The following EXOC6 variants were observed in gnomAD, a reference collection of about 807,000 sequenced individuals.
EXOC6 encodes SEC15-like 1.
EXOC6 carries 60 observed loss-of-function variants against 112.5 expected under a neutral mutation model. The observed-to-expected ratio is 0.53, with a 90% CI of 0.43 to 0.66. The LOEUF (loss-of-function observed/expected upper bound fraction) is 0.66, where lower values mean the gene tolerates loss of function less well. Ranked by LOEUF, EXOC6 falls within the 30% of genes least tolerant of loss-of-function variation. The pLI, the probability that EXOC6 is intolerant of heterozygous loss-of-function variation, is 0.00. For missense variants in EXOC6, 855 were observed against 957.1 expected, an observed-to-expected ratio of 0.89 and a Z score of 1.41; for synonymous variants, 295 against 308.0, an observed-to-expected ratio of 0.96 and a Z score of 0.44.
chr10:92,828,152 A>G (rs1846416174), intron 1 of EXOC6, among the ~76,000 whole-genome samples: 1 of 152,196 alleles, frequency 6.6e-6, no homozygotes, highest in Non-Finnish European at 1.5e-5. Context: ...ATATACAATC[A>G]TGTATTCCGC....
intron 13 of EXOC6, among the ~76,000 whole-genome samples, chr10:92,941,078 C>G (rs993270741): frequency 2.0e-5 from 3 of 152,070 alleles, no homozygotes; most frequent in African/African-American, 7.2e-5. Flanking sequence ...TTAACAATAA[C>G]TCTCCATTTC....
At chr10:93,036,228 AAAG>A (rs1845509093) in intron 20 of EXOC6, among the ~76,000 whole-genome samples, 2 of 151,958 alleles carry the variant, frequency 1.3e-5, no homozygotes, top group South Asian at 2.1e-4. Context: ...CAAAAAAAAA[AAAG>A]AAAAAAAAGA....
intron 1 of EXOC6, among the ~76,000 whole-genome samples, chr10:92,863,831 C>T (rs1325665472): frequency 2.0e-5 from 3 of 150,300 alleles, no homozygotes; most frequent in African/African-American, 7.4e-5. Flanking sequence ...AGGAGAATGG[C>T]GTGAACCCGG....
intron 9 of EXOC6, among the ~76,000 whole-genome samples, chr10:92,930,044 A>T (rs542667265): frequency 2.6e-5 from 4 of 152,226 alleles, no homozygotes; most frequent in Non-Finnish European, 4.4e-5. Context: ...GCAGAACACC[A>T]AAGATAAAGA....
chr10:92,984,858 G>C (rs1237009669), intron 18 of EXOC6, among the ~76,000 whole-genome samples: 1 of 151,964 alleles, frequency 6.6e-6, no homozygotes, highest in Non-Finnish European at 1.5e-5. Context: ...AATCAGCCGG[G>C]TGTGGTGGCA....
chr10:92,895,890 G>T (rs2133821108), intron 4 of EXOC6, among the ~76,000 whole-genome samples: 1 of 138,296 alleles, frequency 7.2e-6, no homozygotes, highest in Admixed American at 7.4e-5. Flanking sequence ...AATATAGTAA[G>T]CTGAATCCAT....
chr10:92,988,453 G>A (rs1843097395), intron 18 of EXOC6, among the ~76,000 whole-genome samples: 1 of 152,136 alleles, frequency 6.6e-6, no homozygotes, highest in Non-Finnish European at 1.5e-5. Flanking sequence ...TGAAGTTCAA[G>A]TTTTGATTAA....
chr10:93,054,262 G>A (rs1489152816), intron 20 of EXOC6, among the ~76,000 whole-genome samples: 1 of 152,152 alleles, frequency 6.6e-6, no homozygotes, highest in African/African-American at 2.4e-5. Context: ...ACCTAGCACA[G>A]TATCTAGCAC....
intron 18 of EXOC6, among the ~76,000 whole-genome samples, chr10:92,995,512 A>G (rs1310066346): frequency 6.6e-6 from 1 of 152,234 alleles, no homozygotes; most frequent in Non-Finnish European, 1.5e-5. Flanking sequence ...GGAGAAGCAC[A>G]TTAAACTAAA....
At chr10:92,923,489 T>A (rs1366026891) in intron 8 of EXOC6, among the ~76,000 whole-genome samples, 1 of 152,190 alleles carries the variant, frequency 6.6e-6, no homozygotes, top group Non-Finnish European at 1.5e-5. Flanking sequence ...CAAGATGTCA[T>A]GAGGACTGCT....
At chr10:92,871,169 T>G (rs985414652) in intron 1 of EXOC6, among the ~76,000 whole-genome samples, 2 of 152,194 alleles carry the variant, frequency 1.3e-5, no homozygotes, top group Admixed American at 1.3e-4. Flanking sequence ...TGTGTTCTTT[T>G]GAAAAATTAT....
chr10:93,032,549 C>T (rs933381770), intron 20 of EXOC6, among the ~76,000 whole-genome samples: 1 of 152,152 alleles, frequency 6.6e-6, no homozygotes, highest in African/African-American at 2.4e-5. Context: ...TCCAGCAAAA[C>T]TGAAAGCTGT....
upstream of EXOC6, among the ~76,000 whole-genome samples, chr10:92,830,814 T>C (rs1846462908): frequency 6.6e-6 from 1 of 152,184 alleles, no homozygotes; most frequent in Non-Finnish European, 1.5e-5. Context: ...TCAAAGAGTT[T>C]GAGCTGCAGG....
At chr10:92,911,028 C>T (rs1850728443) in intron 6 of EXOC6, among the ~76,000 whole-genome samples, 1 of 59,376 alleles carries the variant, frequency 1.7e-5, no homozygotes, top group Non-Finnish European at 3.2e-5. Flanking sequence ...GATGGGAGTT[C>T]ATGATATTAA....
chr10:93,001,011 TC>T (rs1267541525), intron 19 of EXOC6, among the ~76,000 whole-genome samples: 1 of 152,254 alleles, frequency 6.6e-6, no homozygotes, highest in Non-Finnish European at 1.5e-5. Context: ...GGAAAGTAGT[TC>T]TTTAAATATA....
chr10:93,017,896 G>A (rs753451518), intron 20 of EXOC6, among the ~76,000 whole-genome samples: 2 of 151,718 alleles, frequency 1.3e-5, no homozygotes, highest in Admixed American at 6.6e-5. Context: ...TGTAATCCCA[G>A]TTACTCAGGA....
chr10:92,883,107 T>C (rs1371426435), intron 1 of EXOC6, among the ~76,000 whole-genome samples: 1 of 152,240 alleles, frequency 6.6e-6, no homozygotes, highest in Admixed American at 6.5e-5. Flanking sequence ...CTGAAAGAAC[T>C]GTAACAATTC....
intron 18 of EXOC6, among the ~76,000 whole-genome samples, chr10:92,976,705 T>A (rs11187231): frequency 0.094 from 14,230 of 151,506 alleles, 745 homozygotes; most frequent in Admixed American, 0.17. Flanking sequence ...AATTAATGGC[T>A]TTTCCAGTTA....
chr10:92,984,953 TG>T (rs1842947768), intron 18 of EXOC6, among the ~76,000 whole-genome samples: 1 of 151,928 alleles, frequency 6.6e-6, no homozygotes, highest in Non-Finnish European at 1.5e-5. Context: ...GAGCCATGAT[TG>T]CATCACTGCA....
Sources: gnomAD v4.1 joint callset for allele counts (sites outside exome capture counted in the v4.1 genomes callset) on GRCh38, gnomAD v4.1.1 for gene constraint, MANE v1.5 for transcripts, NCBI Gene and HGNC (gene_info 2026-07-23, HGNC 2026-07-21) for gene names.